The following RBM41 variants were observed in gnomAD, a reference collection of about 807,000 sequenced individuals.
The protein encoded by RBM41 is RNA-binding protein 41.
Under a neutral mutation model 30.8 loss-of-function variants are expected in RBM41, and 14 were observed. That is an observed-to-expected ratio of 0.45 (90% CI 0.30 to 0.71). The LOEUF is 0.71. RBM41 is among the 30% of genes least tolerant of loss of function. The probability of loss-of-function intolerance (pLI) is 0.08; values close to 1 mark genes in which losing one functional copy is unlikely to be tolerated. For missense variants in RBM41, 276 were observed against 326.3 expected (o/e 0.85, Z 1.19); for synonymous variants, 120 against 110.1 (o/e 1.09, Z -0.56).
chrX:107,066,633 G>A lies in RBM41; in HGVS notation c.*894C>T, dbSNP rs1935849933. 4.9e-6 allele frequency: 3 copies of A among 607,939 alleles called. No individual in the cohort carries two copies. The highest frequency in any genetic ancestry group is 2.5e-5 in the African/African-American group (1 of 39,801). 50.1% of individuals were successfully genotyped at this position (607,939 alleles called of 1,213,427 possible). ...CCAAGGTCATAGAATGTTAAGTGTGGCTGTACAGGTCTGACTCCAGTTTGT... is the reference window on the plus strand; with the variant it reads ...CCAAGGTCATAGAATGTTAAGTGTGACTGTACAGGTCTGACTCCAGTTTGT... On this transcript the variant is annotated 3_prime_UTR_variant, in exon 8 of 8. Coordinates refer to ENST00000685964, the MANE Select transcript of RBM41 (RefSeq NM_001324242.2).
In RBM41 at chrX:107,109,847, TTA is replaced by T. The variant is rs1924315314; in HGVS notation, c.595+3548_595+3549del. Reference sequence around the variant, plus strand: ...TTCTAATATTCCTTTTGATTTCCTTTTAATTCATTGACTGTTTGGTAGAGTGT... The same window carrying T: ...TTCTAATATTCCTTTTGATTTCCTTTATTCATTGACTGTTTGGTAGAGTGT... On this transcript the variant is annotated intron_variant, in intron 5 of 7. Transcript: ENST00000685964. Among the ~76,000 whole-genome samples, 4 of 111,691 alleles carry T rather than the reference TTA, an allele frequency of 3.6e-5. No individual in the cohort carries two copies. In the East Asian group the frequency reaches 1.1e-3, roughly 31 times the overall value.
chrX:107,106,387 G>A (rs1241017917), intron 5 of RBM41, among the ~76,000 whole-genome samples: 2 of 111,602 alleles, frequency 1.8e-5, no homozygotes, highest in Non-Finnish European at 3.8e-5. Context: ...TGGAGAGGAT[G>A]TGGAGAAATA....
chrX:107,117,026 GAGA>G lies in RBM41; in HGVS notation c.9-263_9-261del, dbSNP rs748344494. Among the ~76,000 whole-genome samples, 55 of 112,229 alleles carry G rather than the reference GAGA, an allele frequency of 4.9e-4. No homozygotes were observed. The East Asian group carries it at 0.015, about 30-fold the overall frequency. ...TCAAGAAGCCCACAATCTATTTAGG[GAGA>G]AGAAGTGTGTGTTTATGTGTTGTGT... On this transcript the variant is annotated intron_variant, in intron 1 of 7. Transcript: ENST00000685964.
rs2147852095 is a variant in RBM41 at position 107,062,600 on chromosome X, C to G, written c.*4927G>C. 9.1e-6 allele frequency among the ~76,000 whole-genome samples: 1 copy of G among 109,786 alleles called. No individual in the cohort carries two copies. The highest frequency in any genetic ancestry group is 1.9e-5 in the Non-Finnish European group (1 of 52,650). On this transcript the variant is annotated 3_prime_UTR_variant, in exon 8 of 8. Coordinates refer to ENST00000685964, the MANE Select transcript of RBM41 (RefSeq NM_001324242.2). ...GTAGGCCTGACAAATATTCTGGAAGCCATGCCATTGGCAGAATATTTTTTA... is the reference window on the plus strand; with the variant it reads ...GTAGGCCTGACAAATATTCTGGAAGGCATGCCATTGGCAGAATATTTTTTA...
intron 4 of RBM41, chrX:107,114,750 T>TA (rs905295509): frequency 8.9e-6 from 1 of 111,974 alleles, no homozygotes; most frequent in African/African-American, 3.3e-5. Context: ...AACCATTTCT[T>TA]AAACTTCCAT....
intron 6 of RBM41, among the ~76,000 whole-genome samples, chrX:107,088,009 A>G (rs1922192256): frequency 1.8e-5 from 2 of 112,080 alleles, no homozygotes; most frequent in South Asian, 7.5e-4. Flanking sequence ...TTCTGAAGAG[A>G]AGACTCATGT....
At chrX:107,077,702 T>C (rs1421235997) in intron 6 of RBM41, among the ~76,000 whole-genome samples, 1 of 111,286 alleles carries the variant, frequency 9.0e-6, no homozygotes, top group East Asian at 2.8e-4. Context: ...CTCTTCCTGG[T>C]ATCCCTATGC....
At chrX:107,095,842 A>C (rs1243194020) in intron 5 of RBM41, among the ~76,000 whole-genome samples, 1 of 109,982 alleles carries the variant, frequency 9.1e-6, no homozygotes, top group Non-Finnish European at 1.9e-5. Flanking sequence ...GTGAGACCCC[A>C]TCTCTAAACA....
intron 3 of RBM41, 115 bp downstream of exon 3, chrX:107,115,747 C>G (rs1924832834): frequency 7.2e-6 from 7 of 971,937 alleles, no homozygotes; most frequent in Non-Finnish European, 9.7e-6. Context: ...ATTCAGACAC[C>G]AAGCTCAGTT....
chrX:107,088,136 T>C (rs1432921097), intron 6 of RBM41, among the ~76,000 whole-genome samples: 1 of 111,723 alleles, frequency 9.0e-6, no homozygotes, highest in African/African-American at 3.3e-5. Flanking sequence ...CTGTAGGAAA[T>C]TGGATGTTAC....
intron 5 of RBM41, among the ~76,000 whole-genome samples, chrX:107,100,757 C>T (rs972882209): frequency 9.0e-6 from 1 of 111,009 alleles, no homozygotes; most frequent in African/African-American, 3.3e-5. Flanking sequence ...GATATATACC[C>T]TGAGAAACTC....
In RBM41 at chrX:107,064,044, C is replaced by T. The variant is rs1336027465; in HGVS notation, c.*3483G>A. On this transcript the variant is annotated 3_prime_UTR_variant, in exon 8 of 8. Transcript: ENST00000685964. ...TTGGCTCACTGCAAGCTCTGCCTCC[C>T]AGGTTCACGCCATTCTCCTGCCTCA... 1.9e-5 allele frequency among the ~76,000 whole-genome samples: 2 copies of T among 106,462 alleles called. No homozygotes were observed. The highest frequency in any genetic ancestry group is 4.4e-4 in the South Asian group (1 of 2,264). The allele number at this position is 106,462 out of a possible 115,157, so 92.4% of individuals were successfully genotyped here.
intron 6 of RBM41, among the ~76,000 whole-genome samples, chrX:107,085,946 A>C (rs1444064862): frequency 4.5e-5 from 5 of 112,119 alleles, no homozygotes; most frequent in Admixed American, 9.4e-5. Flanking sequence ...GATATTTGCT[A>C]AACAACAGAA....
intron 5 of RBM41, among the ~76,000 whole-genome samples, chrX:107,095,134 G>C (rs1752315): frequency 8.1e-4 from 61 of 75,406 alleles, no homozygotes; most frequent in Middle Eastern, 8.6e-3. Flanking sequence ...GAAGGTTCCA[G>C]ACAGTATAAG....
chrX:107,058,361 C>G (rs1251761077), downstream of RBM41, among the ~76,000 whole-genome samples: 2 of 107,998 alleles, frequency 1.9e-5, no homozygotes, highest in African/African-American at 6.7e-5. Flanking sequence ...TTGTAATAAT[C>G]TAACACTTAC....
chrX:107,100,410 C>T (rs769257697), intron 5 of RBM41, among the ~76,000 whole-genome samples: 2 of 109,023 alleles, frequency 1.8e-5, no homozygotes, highest in African/African-American at 3.3e-5. Flanking sequence ...GGGAATTGCT[C>T]GAACCTGGGA....
At chrX:107,105,831 C>G (rs9697835) in intron 5 of RBM41, among the ~76,000 whole-genome samples, 39,547 of 109,827 alleles carry the variant, frequency 0.36, 7,800 homozygotes, top group African/African-American at 0.75. Flanking sequence ...AAAGCTGAAA[C>G]TGGATCCCTT....
intron 5 of RBM41, among the ~76,000 whole-genome samples, chrX:107,110,170 C>G (rs1363027762): frequency 9.1e-6 from 1 of 110,247 alleles, no homozygotes; most frequent in Non-Finnish European, 1.9e-5. Flanking sequence ...TGAACTTTAA[C>G]CTAAACTTCA....
rs1478500542 is a variant in RBM41 at position 107,088,539 on chromosome X, A to G, written c.896T>C (p.Ile299Thr). 1.7e-6 allele frequency: 2 copies of G among 1,211,185 alleles called. No individual in the cohort carries two copies. The highest frequency in any genetic ancestry group is 2.2e-6 in the Non-Finnish European group (2 of 895,264). The change falls in exon 6 of 8, where the codon ATA becomes ACA. Residue 299 changes from isoleucine to threonine, a missense_variant. Physicochemically the swap from Ile to Thr is moderately conservative, Grantham distance 89 (BLOSUM62 -1). Transcript: ENST00000685964. ...GATTTCATCTTCTGGGACAAATTCT[A>G]TTGGCTGCGTCAGCTTCTTAGGCCC... ...WTGPKKLTQPIEFVPEDEIQR... is the reference protein window; with the variant it reads ...WTGPKKLTQPTEFVPEDEIQR...
Sources: gnomAD v4.1 joint callset for allele counts (sites outside exome capture counted in the v4.1 genomes callset) on GRCh38, gnomAD v4.1.1 for gene constraint, MANE v1.5 for transcripts, NCBI Gene and HGNC (gene_info 2026-07-23, HGNC 2026-07-21) for gene names.